Variants in PCDHA5 observed in about 807,000 individuals in gnomAD.
The protein encoded by PCDHA5 is protocadherin alpha-5.
Under a neutral mutation model 61.6 loss-of-function variants are expected in PCDHA5, and 43 were observed. That is an observed-to-expected ratio of 0.70 (90% CI 0.55 to 0.90). PCDHA5 has a LOEUF of 0.90. Ranked by LOEUF, PCDHA5 falls within the 40% of genes least tolerant of loss-of-function variation. The pLI is 0.00. For missense variants in PCDHA5, 1,298 were observed against 1,222.7 expected (o/e 1.06, Z -0.92); for synonymous variants, 627 against 543.9 (o/e 1.15, Z -2.13).
intron 1 of PCDHA5, chr5:140,967,672 C>T: frequency 1.2e-6 from 2 of 1,614,182 alleles, no homozygotes; most frequent in Non-Finnish European, 8.5e-7. Context: ...ACACGTCGGA[C>T]CGGGAGAGGC....
chr5:140,966,330 G>A, intron 1 of PCDHA5: 2 of 393,050 alleles, frequency 5.1e-6, no homozygotes, highest in Non-Finnish European at 9.0e-6. Context: ...CTGGGATCCG[G>A]CAGGTCCAGG....
chr5:140,875,889 G>C, intron 1 of PCDHA5: 1 of 1,614,174 alleles, frequency 6.2e-7, no homozygotes, highest in South Asian at 1.1e-5. Context: ...GGGAACAAAA[G>C]GTACCTGTTT....
chr5:140,867,485 T>C (rs1329188157), intron 1 of PCDHA5: 1 of 152,044 alleles, frequency 6.6e-6, no homozygotes, highest in Non-Finnish European at 1.5e-5. Context: ...AAAGAGTAAA[T>C]ATGAAAAAAG....
chr5:140,939,551 G>A (rs2092410878), intron 1 of PCDHA5, among the ~76,000 whole-genome samples: 1 of 151,156 alleles, frequency 6.6e-6, no homozygotes, highest in African/African-American at 2.5e-5. Flanking sequence ...ATTTCTTGTT[G>A]TATTAGTTTG....
At chr5:140,867,175 C>T (rs782419499) in intron 1 of PCDHA5, 5 of 152,056 alleles carry the variant, frequency 3.3e-5, no homozygotes, top group Admixed American at 1.3e-4. Context: ...GGTTCATTTC[C>T]CTACCTCGCA....
Position 140,978,996 on chromosome 5 carries a change from A to T in PCDHA5, c.2400A>T (p.Ala800=), listed in dbSNP as rs2096831053. The change falls in exon 2 of 4, where the codon GCA becomes GCT. Residue 800 remains alanine, a synonymous_variant. Coordinates refer to ENST00000529859, the MANE Select transcript of PCDHA5 (RefSeq NM_018908.3). ...GGCGTTACTCTGCCTCCCTGAGAGC[A>T]GGCATGCACAGGTATGTATTTCCCT... ...PDWRYSASLR[A]GMHSSVHLEE... 1 of 1,614,186 alleles carries T rather than the reference A, an allele frequency of 6.2e-7. No individual in the cohort carries two copies.
chr5:140,915,638 C>CTT (rs1183097723), intron 1 of PCDHA5, among the ~76,000 whole-genome samples: 1 of 151,724 alleles, frequency 6.6e-6, no homozygotes, highest in African/African-American at 2.4e-5. Context: ...CTCTCTCTCT[C>CTT]TCTCTCTCTC....
At chr5:140,848,733 C>A (rs1554142396) in intron 1 of PCDHA5, 2 of 1,592,812 alleles carry the variant, frequency 1.3e-6, no homozygotes, top group South Asian at 2.2e-5. Flanking sequence ...GGTAAATCTG[C>A]AGAATGGCAT....
chr5:141,006,405 C>T (rs782532612), intron 3 of PCDHA5, among the ~76,000 whole-genome samples: 28 of 151,916 alleles, frequency 1.8e-4, no homozygotes, highest in Middle Eastern at 6.8e-3. Context: ...AGTAGAGACG[C>T]GGTTTCACTG....
chr5:140,876,541 C>T, intron 1 of PCDHA5: 1 of 1,614,188 alleles, frequency 6.2e-7, no homozygotes, highest in Non-Finnish European at 8.5e-7. Context: ...TTCACTGTCG[C>T]TCCCTGTGCA....
chr5:140,988,739 G>A (rs2097310931), intron 3 of PCDHA5, among the ~76,000 whole-genome samples: 1 of 152,096 alleles, frequency 6.6e-6, no homozygotes, highest in Non-Finnish European at 1.5e-5. Flanking sequence ...AATTATTCTA[G>A]GATTGGTGGC....
In PCDHA5 at chr5:140,882,102, C is replaced by A. The variant is rs2058951166; in HGVS notation, c.2352+57975C>A. 1.4e-5 allele frequency: 18 copies of A among 1,308,166 alleles called. No individual in the cohort carries two copies. In the South Asian group the frequency reaches 2.1e-4, roughly 16 times the overall value. 81.0% of individuals were successfully genotyped at this position (1,308,166 alleles called of 1,614,324 possible). On this transcript the variant is annotated intron_variant, in intron 1 of 3. Transcript: ENST00000529859. ...TCGCTCTTCACTGAGAACGTTTCCG[C>A]GAAGAAAGCCGCCGTTTCTTTCTTC...
chr5:140,884,174 C>T (rs540874524), intron 1 of PCDHA5: 6 of 1,613,436 alleles, frequency 3.7e-6, no homozygotes, highest in Middle Eastern at 1.7e-4. Flanking sequence ...CACGACGCGC[C>T]CTCTGGACGA....
Position 140,848,531 on chromosome 5 carries a change from G to C in PCDHA5, c.2352+24404G>C. On this transcript the variant is annotated intron_variant, in intron 1 of 3. Coordinates refer to ENST00000529859, the MANE Select transcript of PCDHA5 (RefSeq NM_018908.3). ...CAAGTCGAGGAGATCCAGAGGGTCA[G>C]CCTCTACTGCTCTCGCTTCTGATCC... 3 of 1,594,876 alleles carry C rather than the reference G, an allele frequency of 1.9e-6. 1 individual carries two copies. The South Asian group carries it at 3.3e-5, about 18-fold the overall frequency.
At chr5:140,863,942 G>C (rs868949663) in intron 1 of PCDHA5, 1 of 159,974 alleles carries the variant, frequency 6.3e-6, no homozygotes, top group Non-Finnish European at 1.4e-5. Context: ...CAGAGGTTGC[G>C]GTGAGCCTAG....
chr5:140,977,345 T>C lies in PCDHA5; in HGVS notation c.2353-1604T>C, dbSNP rs139865600. Among the ~76,000 whole-genome samples, 25 of 152,342 alleles carry C rather than the reference T, an allele frequency of 1.6e-4. No homozygotes were observed. In the East Asian group the frequency reaches 4.8e-3, roughly 29 times the overall value. ...ATGGCGAGGGGAGAGACGGTGATGATGACTGATTGATAAAAAGTATTTTAG... is the reference window on the plus strand; with the variant it reads ...ATGGCGAGGGGAGAGACGGTGATGACGACTGATTGATAAAAAGTATTTTAG... On this transcript the variant is annotated intron_variant, in intron 1 of 3. Transcript: ENST00000529859.
chr5:140,825,432 T>C (rs1768574114), intron 1 of PCDHA5: 1 of 147,582 alleles, frequency 6.8e-6, no homozygotes, highest in Admixed American at 6.8e-5. Flanking sequence ...ATAATAAATA[T>C]ATAATAATAA....
intron 1 of PCDHA5, among the ~76,000 whole-genome samples, chr5:140,925,728 TAAATATTTACAGAAAGA>T (rs1554202900): frequency 6.6e-6 from 1 of 151,870 alleles, no homozygotes; most frequent in African/African-American, 2.4e-5. Context: ...TGGTGTTTTC[TAAATATTTACAGAAAGA>T]AAATTTACAG....
At chr5:140,975,330 A>G (rs563974651) in intron 1 of PCDHA5, among the ~76,000 whole-genome samples, 1 of 152,320 alleles carries the variant, frequency 6.6e-6, no homozygotes, top group African/African-American at 2.4e-5. Flanking sequence ...CATCCAGATG[A>G]TCTCCCTTTC....
Sources: gnomAD v4.1 joint callset for allele counts (sites outside exome capture counted in the v4.1 genomes callset) on GRCh38, gnomAD v4.1.1 for gene constraint, MANE v1.5 for transcripts, NCBI Gene and HGNC (gene_info 2026-07-23, HGNC 2026-07-21) for gene names.